Variants in NEIL2 observed in about 807,000 individuals in gnomAD.
NEIL2 encodes the protein endonuclease 8-like 2.
A neutral mutation model predicts 22.2 loss-of-function variants in NEIL2; 23 were observed. The observed-to-expected ratio is 1.04, with a 90% CI of 0.75 to 1.47. The LOEUF is 1.47. NEIL2 is among the 40% of genes most tolerant of loss of function. NEIL2 has a pLI of 0.00. For missense variants in NEIL2, 583 were observed against 404.7 expected (o/e 1.44, Z -3.78); for synonymous variants, 229 against 164.8 (o/e 1.39, Z -2.99).
At position 11,786,904 on chromosome 8, in the gene NEIL2, T is replaced by C; in HGVS notation, c.*631T>C. The C allele has an allele frequency of 6.5e-6, 1 of 153,900 alleles. No homozygotes were observed. Among genetic ancestry groups the C allele is most frequent in the Non-Finnish European group, 1.4e-5 (1 of 69,178 alleles). 9.5% of individuals were successfully genotyped at this position (153,900 alleles called of 1,614,324 possible). A position where few individuals can be genotyped will look rare whatever the true frequency, so the allele number is the denominator to read the frequency against. Reference sequence around the variant, plus strand: ...TTCCTCCCACCTTGGTCTCCCAAAATGTTGGGACCACGGGTGTGAGCCACC... The same window carrying C: ...TTCCTCCCACCTTGGTCTCCCAAAACGTTGGGACCACGGGTGTGAGCCACC... On this transcript the variant is annotated 3_prime_UTR_variant, in exon 5 of 5. Transcript: ENST00000284503.
intron 2 of NEIL2, among the ~76,000 whole-genome samples, chr8:11,778,918 C>G (rs978494261): frequency 7.8e-6 from 1 of 128,358 alleles, no homozygotes; most frequent in Non-Finnish European, 1.6e-5. Context: ...TGCCACTACA[C>G]TCCAGTCTAG....
chr8:11,771,378 C>G, intron 1 of NEIL2, 68 bp from the exon 2 acceptor site: 1 of 1,595,656 alleles, frequency 6.3e-7, no homozygotes, highest in Non-Finnish European at 8.6e-7. Context: ...GGATGCTTGG[C>G]ACCTGTTAAA....
intron 2 of NEIL2, 109 bp from the exon 3 acceptor site, chr8:11,779,489 C>T (rs8191608): frequency 0.068 from 62,258 of 909,480 alleles, 2,640 homozygotes; most frequent in Middle Eastern, 0.13. Context: ...TTTGGGAAGG[C>T]CCCCCAGGAG....
chr8:11,778,038 T>C (rs1563256427), intron 2 of NEIL2, among the ~76,000 whole-genome samples: 1 of 152,210 alleles, frequency 6.6e-6, no homozygotes, highest in African/African-American at 2.4e-5. Context: ...GCCAGGCACA[T>C]TGAATAAGCT....
At chr8:11,771,660 C>T in intron 2 of NEIL2, 75 bp downstream of exon 2, 2 of 1,484,204 alleles carry the variant, frequency 1.3e-6, no homozygotes, top group Non-Finnish European at 1.8e-6. Flanking sequence ...CCCCATATGT[C>T]TCAGGGTGTC....
rs111554921 is a variant in NEIL2, at chr8:11,785,422, C to A, written c.689-541C>A. Among the ~76,000 whole-genome samples the A allele has an allele frequency of 1.2e-3, 180 of 151,258 alleles. 2 individuals are homozygous for A. Among genetic ancestry groups the A allele is most frequent in the African/African-American group, 4.1e-3 (170 of 41,144 alleles). On this transcript the variant is annotated intron_variant, in intron 4 of 4. Coordinates refer to ENST00000284503, the MANE Select transcript of NEIL2 (RefSeq NM_145043.4). Reference sequence around the variant, plus strand: ...TGTTGTCCAGGCTGATCTTGAACTCCTGGCCTCAAGTGATTCACCCGCCTC... The same window carrying A: ...TGTTGTCCAGGCTGATCTTGAACTCATGGCCTCAAGTGATTCACCCGCCTC...
intron 2 of NEIL2, among the ~76,000 whole-genome samples, chr8:11,776,598 T>A (rs940056795): frequency 6.6e-6 from 1 of 152,160 alleles, no homozygotes; most frequent in African/African-American, 2.4e-5. Flanking sequence ...ATGTTGAACT[T>A]TTTTAGTGTC....
At chr8:11,775,113 C>G (rs886098362) in intron 2 of NEIL2, among the ~76,000 whole-genome samples, 1 of 152,272 alleles carries the variant, frequency 6.6e-6, no homozygotes, top group Non-Finnish European at 1.5e-5. Context: ...GGGCTCTAAC[C>G]CCGTCTTTTC....
At chr8:11,770,489 A>T (rs1803343907) in intron 1 of NEIL2, among the ~76,000 whole-genome samples, 154 bp downstream of exon 1, 1 of 152,256 alleles carries the variant, frequency 6.6e-6, no homozygotes, top group African/African-American at 2.4e-5. Context: ...CTGCTGCCGA[A>T]TATGAGAATG....
intron 1 of NEIL2, among the ~76,000 whole-genome samples, chr8:11,771,107 G>C (rs1253877732): frequency 1.3e-5 from 2 of 152,194 alleles, no homozygotes; most frequent in Non-Finnish European, 2.9e-5. Flanking sequence ...CAGGCAAAAA[G>C]TAACAAAGGC....
In NEIL2 at chr8:11,786,591, T is replaced by C; in HGVS notation, c.*318T>C. On this transcript the variant is annotated 3_prime_UTR_variant, in exon 5 of 5. Coordinates refer to ENST00000284503, the MANE Select transcript of NEIL2 (RefSeq NM_145043.4). ...AAGGAAAAAGAAAGCCTATGGGAAA[T>C]GGCTGTGCTCCCAACATAGCTTTGC... 2.4e-6 allele frequency: 1 copy of C among 411,416 alleles called. No individual in the cohort carries two copies. The highest frequency in any genetic ancestry group is 5.3e-5 in the East Asian group (1 of 19,034). 25.5% of individuals were successfully genotyped at this position (411,416 alleles called of 1,614,324 possible).
In NEIL2 at chr8:11,785,094, A is replaced by C. The variant is rs188347533; in HGVS notation, c.689-869A>C. Among the ~76,000 whole-genome samples, 49 of 152,182 alleles carry C rather than the reference A, an allele frequency of 3.2e-4. No individual in the cohort carries two copies. In the East Asian group the frequency reaches 8.9e-3, roughly 28 times the overall value. ...ACTGTGTTGCCCAGGCTGGTCTTGA[A>C]CTTGTGGGCTTAAATGATCCTCCTG... On this transcript the variant is annotated intron_variant, in intron 4 of 4. Coordinates refer to ENST00000284503, the MANE Select transcript of NEIL2 (RefSeq NM_145043.4).
At chr8:11,782,466 C>G (rs996429968) in intron 3 of NEIL2, 1 of 154,452 alleles carries the variant, frequency 6.5e-6, no homozygotes, top group Non-Finnish European at 1.4e-5. Flanking sequence ...TTTAATATGC[C>G]TAGCCTACCA....
Position 11,783,286 on chromosome 8 carries a change from C to T in NEIL2, c.575C>T (p.Pro192Leu). ...LSWSSSPVVT[P>L]TCDILSEKFH... is the part of the protein sequence containing the mutation. Reference sequence around the variant, plus strand: ...TGGAGCTCTTCCCCAGTGGTCACACCCACCTGTGACATCCTGTCTGAGAAG... The same window carrying T: ...TGGAGCTCTTCCCCAGTGGTCACACTCACCTGTGACATCCTGTCTGAGAAG... The change falls in exon 4 of 5, where the codon CCC (proline) becomes CTC (leucine). Residue 192 changes from proline (P) to leucine (L), a missense_variant. Pro to Leu is a moderately conservative substitution (Grantham distance 98, BLOSUM62 -3). Coordinates refer to ENST00000284503, the MANE Select transcript of NEIL2 (RefSeq NM_145043.4). The T allele has an allele frequency of 6.2e-7, 1 of 1,613,884 alleles. No individual in the cohort carries two copies.
At position 11,786,388 on chromosome 8, in the gene NEIL2, GCCAGTAGTA is replaced by G. The variant is rs1373807635; in HGVS notation, c.*116_*124del. The G allele has an allele frequency of 1.0e-6, 1 of 996,754 alleles. No homozygotes were observed. Among genetic ancestry groups the G allele is most frequent in the Non-Finnish European group, 1.6e-6 (1 of 643,920 alleles). The allele number at this position is 996,754 out of a possible 1,614,324, so 61.7% of individuals were successfully genotyped here. On this transcript the variant is annotated 3_prime_UTR_variant, in exon 5 of 5. Coordinates refer to ENST00000284503, the MANE Select transcript of NEIL2 (RefSeq NM_145043.4). ...ACAGAGGATAGTGTGGGTCAGAGGT[GCCAGTAGTA>G]TAATATTCGTCTCCCTGGAGTTATG...
At chr8:11,770,673 G>A (rs984069078) in intron 1 of NEIL2, among the ~76,000 whole-genome samples, 26 of 152,168 alleles carry the variant, frequency 1.7e-4, no homozygotes, top group African/African-American at 5.6e-4. Context: ...CAGCTGCCCC[G>A]GGTGAGGCTG....
At chr8:11,772,789 TTTC>T (rs1355824645) in intron 2 of NEIL2, among the ~76,000 whole-genome samples, 4 of 152,210 alleles carry the variant, frequency 2.6e-5, no homozygotes, top group Non-Finnish European at 5.9e-5. Context: ...CTCATAGCTC[TTTC>T]TTCTATTGTA....
chr8:11,773,253 T>G (rs1803627843), intron 2 of NEIL2, among the ~76,000 whole-genome samples: 1 of 152,134 alleles, frequency 6.6e-6, no homozygotes, highest in Non-Finnish European at 1.5e-5. Context: ...CAGATGGATG[T>G]GCGGTGAAGG....
chr8:11,784,844 C>T (rs1804751339), intron 4 of NEIL2, among the ~76,000 whole-genome samples: 1 of 152,204 alleles, frequency 6.6e-6, no homozygotes, highest in Non-Finnish European at 1.5e-5. Context: ...ACACTTTCTA[C>T]ATAACAAGCA....
Sources: allele counts gnomAD v4.1 joint callset (sites outside exome capture counted in the v4.1 genomes callset), GRCh38; gene constraint gnomAD v4.1.1; transcripts MANE v1.5; gene names NCBI Gene and HGNC (gene_info 2026-07-23, HGNC 2026-07-21).